ITGBL1: variants seen among roughly 807,000 people sequenced by gnomAD.
ITGBL1 encodes the protein integrin subunit beta like 1, also known as integrin beta-like protein 1.
In ITGBL1, 51 loss-of-function variants were observed where a neutral mutation model predicts 68.5. That is an observed-to-expected ratio of 0.74 (90% CI 0.59 to 0.94). ITGBL1 has a LOEUF of 0.94. ITGBL1 is among the 40% of genes least tolerant of loss of function. The pLI is 0.00. For synonymous variants in ITGBL1, 209 were observed against 227.3 expected, an observed-to-expected ratio of 0.92 and a Z score of 0.72; for missense variants, 649 against 647.4, an observed-to-expected ratio of 1.00 and a Z score of -0.03.
chr13:101,508,163 CT>C (rs2049055879), intron 2 of ITGBL1, among the ~76,000 whole-genome samples: 1 of 152,116 alleles, frequency 6.6e-6, no homozygotes, highest in South Asian at 2.1e-4. Context: ...ATTTATGTCT[CT>C]TGGCTGTCTC....
At chr13:101,606,908 G>A (rs1202011611) in intron 7 of ITGBL1, among the ~76,000 whole-genome samples, 1 of 151,906 alleles carries the variant, frequency 6.6e-6, no homozygotes, top group Non-Finnish European at 1.5e-5. Flanking sequence ...AGGGAATGTG[G>A]TTAAGCCAAG....
intron 7 of ITGBL1, among the ~76,000 whole-genome samples, chr13:101,631,850 C>A (rs1479493167): frequency 6.6e-6 from 1 of 151,980 alleles, no homozygotes; most frequent in East Asian, 1.9e-4. Context: ...ACATTTTAAA[C>A]AAATGGTACT....
intron 7 of ITGBL1, among the ~76,000 whole-genome samples, chr13:101,605,431 C>CAT (rs150589549): frequency 0.99 from 122,054 of 123,424 alleles, 60,377 homozygotes; most frequent in Middle Eastern, 1. Context: ...CATATATAGA[C>CAT]ATGTATATGC....
At chr13:101,634,290 A>G (rs1157050775) in intron 7 of ITGBL1, among the ~76,000 whole-genome samples, 1 of 152,180 alleles carries the variant, frequency 6.6e-6, no homozygotes, top group African/African-American at 2.4e-5. Flanking sequence ...GGAAGATGAT[A>G]GACTCCAATG....
intron 7 of ITGBL1, among the ~76,000 whole-genome samples, chr13:101,600,888 T>G (rs1394079876): frequency 6.6e-6 from 1 of 152,124 alleles, no homozygotes; most frequent in Non-Finnish European, 1.5e-5. Context: ...GGGATATTGG[T>G]CTAAAATTCT....
chr13:101,490,659 G>C (rs953933523), intron 2 of ITGBL1, among the ~76,000 whole-genome samples: 7 of 152,178 alleles, frequency 4.6e-5, no homozygotes, highest in African/African-American at 1.4e-4. Context: ...CTGAAGACAG[G>C]AAATTGGAAA....
At chr13:101,688,604 A>G (rs2033810060) in intron 7 of ITGBL1, among the ~76,000 whole-genome samples, 1 of 152,196 alleles carries the variant, frequency 6.6e-6, no homozygotes, top group Non-Finnish European at 1.5e-5. Flanking sequence ...GTGCAAAGGA[A>G]TTACACAATC....
At chr13:101,580,173 A>G (rs1195869388) in intron 5 of ITGBL1, among the ~76,000 whole-genome samples, 2 of 151,838 alleles carry the variant, frequency 1.3e-5, no homozygotes, top group Non-Finnish European at 1.5e-5. Context: ...AAGTGATTAT[A>G]CTTCTTTAAA....
In ITGBL1 at chr13:101,671,596, G is replaced by A. The variant is rs530933198; in HGVS notation, c.1016-20989G>A. 5.4e-3 allele frequency among the ~76,000 whole-genome samples: 812 copies of A among 150,254 alleles called. 5 individuals are homozygous for A. The highest frequency in any genetic ancestry group is 6.2e-3 in the Non-Finnish European group (416 of 67,536). On this transcript the variant is annotated intron_variant, in intron 7 of 10. Coordinates refer to ENST00000376180, the MANE Select transcript of ITGBL1 (RefSeq NM_004791.3). Reference sequence around the variant, plus strand: ...TGGGACTACAGGCGCCCGCCACCACGCCCGGCTAATTTTTTGTATTTTTAG... The same window carrying A: ...TGGGACTACAGGCGCCCGCCACCACACCCGGCTAATTTTTTGTATTTTTAG...
Position 101,515,507 on chromosome 13 carries a change from C to A in ITGBL1, c.317-52192C>A, listed in dbSNP as rs563193896. 9.2e-5 allele frequency among the ~76,000 whole-genome samples: 14 copies of A among 152,126 alleles called. No homozygotes were observed. The South Asian group carries it at 2.7e-3, about 29-fold the overall frequency. On this transcript the variant is annotated intron_variant, in intron 2 of 10. Coordinates refer to ENST00000376180, the MANE Select transcript of ITGBL1 (RefSeq NM_004791.3). ...TTGTTGGGTTGTGTTAGCCGAGAAC[C>A]ATTTGCAGTTACTGAGACATGCTGG...
chr13:101,653,115 A>C (rs2032802829), intron 7 of ITGBL1, among the ~76,000 whole-genome samples: 1 of 150,990 alleles, frequency 6.6e-6, no homozygotes, highest in Non-Finnish European at 1.5e-5. Context: ...AAAGAAAAAG[A>C]AGGAAGGAAG....
Position 101,716,422 on chromosome 13 carries a change from T to C in ITGBL1, c.*768T>C, listed in dbSNP as rs1279567948. The C allele has an allele frequency of 6.6e-6, 1 of 152,190 alleles. No homozygotes were observed. Among genetic ancestry groups the C allele is most frequent in the African/African-American group, 2.4e-5 (1 of 41,452 alleles). 9.4% of individuals were successfully genotyped at this position (152,190 alleles called of 1,614,324 possible). On this transcript the variant is annotated 3_prime_UTR_variant, in exon 11 of 11. Coordinates refer to ENST00000376180, the MANE Select transcript of ITGBL1 (RefSeq NM_004791.3). ...AAAATGTACAATTTAACATTTTAAATAAATAGTGACAGAAGTTGTTTATAC... is the reference window on the plus strand; with the variant it reads ...AAAATGTACAATTTAACATTTTAAACAAATAGTGACAGAAGTTGTTTATAC...
chr13:101,669,304 A>C (rs1246361233), intron 7 of ITGBL1, among the ~76,000 whole-genome samples: 1 of 152,150 alleles, frequency 6.6e-6, no homozygotes, highest in Non-Finnish European at 1.5e-5. Flanking sequence ...AAAAGCAGAA[A>C]GTGAATAATA....
chr13:101,671,163 C>T (rs1371088918), intron 7 of ITGBL1, among the ~76,000 whole-genome samples: 2 of 152,066 alleles, frequency 1.3e-5, no homozygotes, highest in East Asian at 1.9e-4. Flanking sequence ...TTACAGGTTT[C>T]TGATAACACT....
At position 101,674,721 on chromosome 13, in the gene ITGBL1, C is replaced by A. The variant is rs150788812; in HGVS notation, c.1016-17864C>A. 4.6e-3 allele frequency among the ~76,000 whole-genome samples: 699 copies of A among 152,044 alleles called. 1 individual carries two copies. The highest frequency in any genetic ancestry group is 0.016 in the African/African-American group (660 of 41,518). ...TTTGTATATTTCTGGGTTCAAAGTT[C>A]ATGAGATTGATTTGTAACCTCCTTT... On this transcript the variant is annotated intron_variant, in intron 7 of 10. Transcript: ENST00000376180.
At chr13:101,603,159 T>A (rs1369435963) in intron 7 of ITGBL1, among the ~76,000 whole-genome samples, 1 of 151,972 alleles carries the variant, frequency 6.6e-6, no homozygotes, top group Non-Finnish European at 1.5e-5. Flanking sequence ...CAGGACCGTC[T>A]TCAAAATGAC....
At chr13:101,685,928 A>G (rs1179456750) in intron 7 of ITGBL1, among the ~76,000 whole-genome samples, 1 of 152,124 alleles carries the variant, frequency 6.6e-6, no homozygotes, top group Non-Finnish European at 1.5e-5. Context: ...AACTCTCAAA[A>G]GCTTCTGAGA....
intron 6 of ITGBL1, among the ~76,000 whole-genome samples, chr13:101,591,287 C>G (rs1403073235): frequency 6.6e-6 from 1 of 152,092 alleles, no homozygotes; most frequent in Non-Finnish European, 1.5e-5. Context: ...AAGCATAAAC[C>G]GTTACAAAAA....
chr13:101,532,274 T>G (rs1385667524), intron 2 of ITGBL1, among the ~76,000 whole-genome samples: 1 of 152,224 alleles, frequency 6.6e-6, no homozygotes, highest in Non-Finnish European at 1.5e-5. Context: ...GAAGGCAAGT[T>G]CTATCTTAAG....
Sources: gnomAD v4.1 joint callset for allele counts (sites outside exome capture counted in the v4.1 genomes callset) on GRCh38, gnomAD v4.1.1 for gene constraint, MANE v1.5 for transcripts, NCBI Gene and HGNC (gene_info 2026-07-23, HGNC 2026-07-21) for gene names.